The following MCC variants were observed in gnomAD, a reference collection of about 807,000 sequenced individuals.
The protein encoded by MCC is MCC regulator of Wnt signaling pathway.
MCC carries 90 observed loss-of-function variants against 116.2 expected under a neutral mutation model. That is an observed-to-expected ratio of 0.77 (90% confidence interval 0.65 to 0.92). MCC has a LOEUF of 0.92. Ranked by LOEUF, MCC falls within the 40% of genes least tolerant of loss-of-function variation. MCC has a pLI of 0.00. For missense variants in MCC, 1,516 were observed against 1,312.2 expected (o/e 1.16, Z -2.40); for synonymous variants, 578 against 510.5 (o/e 1.13, Z -1.78).
chr5:113,245,324 C>T (rs1764532893), intron 3 of MCC, among the ~76,000 whole-genome samples: 2 of 150,940 alleles, frequency 1.3e-5, no homozygotes, highest in African/African-American at 4.9e-5. Context: ...ACTTTTTTCC[C>T]ACTAAGGTTC....
chr5:113,277,737 C>T (rs941669544), intron 3 of MCC, among the ~76,000 whole-genome samples: 3 of 151,640 alleles, frequency 2.0e-5, no homozygotes, highest in African/African-American at 4.9e-5. Context: ...TACTTCATAC[C>T]ACTCTTTATT....
At chr5:113,100,615 G>A (rs988579206) in intron 8 of MCC, among the ~76,000 whole-genome samples, 5 of 152,044 alleles carry the variant, frequency 3.3e-5, no homozygotes, top group African/African-American at 4.8e-5. Flanking sequence ...GGGACTACAG[G>A]CACACAGCAC....
intron 5 of MCC, among the ~76,000 whole-genome samples, chr5:113,141,934 C>A (rs1382592605): frequency 1.3e-5 from 2 of 152,184 alleles, no homozygotes; most frequent in Non-Finnish European, 2.9e-5. Flanking sequence ...GTGTCCTATG[C>A]CAGGCTCCTT....
chr5:113,354,977 T>C (rs1768375455), intron 2 of MCC, among the ~76,000 whole-genome samples: 1 of 152,084 alleles, frequency 6.6e-6, no homozygotes, highest in Admixed American at 6.5e-5. Flanking sequence ...TATATGTATG[T>C]ATACACATAT....
chr5:113,430,955 G>A (rs1217957768), intron 1 of MCC, among the ~76,000 whole-genome samples: 1 of 152,182 alleles, frequency 6.6e-6, no homozygotes, highest in South Asian at 2.1e-4. Flanking sequence ...ACCAAGCCTT[G>A]TTGAAAGCTA....
rs376243530 is a variant in MCC at position 113,160,423 on chromosome 5, T to C, written c.628-9001A>G. On this transcript the variant is annotated intron_variant, in intron 3 of 18. Coordinates refer to ENST00000408903, the MANE Select transcript of MCC (RefSeq NM_001085377.2). ...AGATTGCTATACTCAGCATATAACA[T>C]GCATTTTTCTCAACTATTCTTCACA... Among the ~76,000 whole-genome samples, 4 of 152,354 alleles carry C rather than the reference T, an allele frequency of 2.6e-5. No individual in the cohort carries two copies. In the East Asian group the frequency reaches 7.7e-4, roughly 29 times the overall value.
intron 3 of MCC, among the ~76,000 whole-genome samples, chr5:113,322,554 TACAA>T (rs1224752859): frequency 6.6e-6 from 1 of 152,190 alleles, no homozygotes; most frequent in African/African-American, 2.4e-5. Context: ...CAACTCCCCC[TACAA>T]ACATCCAATT....
At chr5:113,447,237 G>A (rs1427293370) in intron 1 of MCC, among the ~76,000 whole-genome samples, 3 of 152,176 alleles carry the variant, frequency 2.0e-5, no homozygotes, top group African/African-American at 7.2e-5. Flanking sequence ...TTTTTCAAAT[G>A]TAAGTCCTGC....
chr5:113,232,481 A>G (rs1763971556), intron 3 of MCC, among the ~76,000 whole-genome samples: 1 of 152,132 alleles, frequency 6.6e-6, no homozygotes, highest in Non-Finnish European at 1.5e-5. Context: ...GGCATCTCCA[A>G]ACACTCCCTT....
At chr5:113,196,350 G>A (rs942526136) in intron 3 of MCC, among the ~76,000 whole-genome samples, 1 of 152,182 alleles carries the variant, frequency 6.6e-6, no homozygotes, top group Admixed American at 6.5e-5. Context: ...GGTGAAGTGA[G>A]CAAGAGGGAG....
chr5:113,200,754 A>C (rs1455027613), intron 3 of MCC, among the ~76,000 whole-genome samples: 3 of 152,236 alleles, frequency 2.0e-5, no homozygotes, highest in Non-Finnish European at 2.9e-5. Flanking sequence ...TTCAAAGAGC[A>C]AATAGGGGGA....
Position 113,265,674 on chromosome 5 carries a change from T to C in MCC, c.627+74845A>G, listed in dbSNP as rs141712579. ...GAACTGGAGGGCTACACAGAGGAAC[T>C]TGAGCATATCTCTTGATTTTTTTCC... On this transcript the variant is annotated intron_variant, in intron 3 of 18. Transcript: ENST00000408903. Among the ~76,000 whole-genome samples the C allele has an allele frequency of 2.9e-3, 435 of 152,280 alleles. 1 individual carries two copies. Among genetic ancestry groups the C allele is most frequent in the African/African-American group, 1.0e-2 (414 of 41,562 alleles).
rs771468094 is a variant in MCC, at chr5:113,064,153, C to A, written c.2044G>T (p.Asp682Tyr). Residue 682 changes from aspartate to tyrosine, a missense_variant, in exon 14 of 19, where the codon GAT becomes TAT. Physicochemically the swap from Asp to Tyr is radical, Grantham distance 160 (BLOSUM62 -3). Transcript: ENST00000408903. The stretch of plus-strand genomic sequence containing the variant: ...TTGAGCATCTGAGTGATGTTTTCAT[C>A]CCCCGACTGGTCTCCTATGTGGCAG... ...VGSSPGDQSGDENITQMLKRA... is the reference protein window; with the variant it reads ...VGSSPGDQSGYENITQMLKRA... The A allele has an allele frequency of 6.2e-7, 1 of 1,611,690 alleles. No homozygotes were observed. Among genetic ancestry groups the A allele is most frequent in the Admixed American group, 1.7e-5 (1 of 59,798 alleles).
intron 1 of MCC, among the ~76,000 whole-genome samples, chr5:113,447,617 T>C (rs1260417788): frequency 6.6e-6 from 1 of 152,206 alleles, no homozygotes; most frequent in Non-Finnish European, 1.5e-5. Context: ...TGTTCTCTTA[T>C]AGTTGGCTCA....
At chr5:113,104,130 A>T in intron 7 of MCC, 62 bp downstream of exon 7, 1 of 1,455,378 alleles carries the variant, frequency 6.9e-7, no homozygotes, top group Non-Finnish European at 9.2e-7. Context: ...CTTCAAGAGA[A>T]GGATTGGACC....
intron 1 of MCC, among the ~76,000 whole-genome samples, chr5:113,477,065 C>T (rs187913106): frequency 3.7e-4 from 57 of 152,290 alleles, no homozygotes; most frequent in Middle Eastern, 3.4e-3. Context: ...CTGTTTTTCT[C>T]ATCTTCAAAT....
chr5:113,038,681 G>A (rs938976065), intron 17 of MCC, among the ~76,000 whole-genome samples: 10 of 152,040 alleles, frequency 6.6e-5, no homozygotes, highest in Admixed American at 1.3e-4. Flanking sequence ...GCAGTCTCAC[G>A]GCAGGTGTGA....
chr5:113,172,646 C>G (rs17135381), intron 3 of MCC, among the ~76,000 whole-genome samples: 3,290 of 152,268 alleles, frequency 0.022, 118 homozygotes, highest in African/African-American at 0.075. Context: ...TACCTATGTG[C>G]TGGGCGTACC....
intron 1 of MCC, among the ~76,000 whole-genome samples, chr5:113,470,618 T>C (rs2150430839): frequency 1.3e-5 from 2 of 152,304 alleles, no homozygotes; most frequent in African/African-American, 4.8e-5. Flanking sequence ...CTTAACATTT[T>C]TTCCTTCATT....
Sources: allele counts gnomAD v4.1 joint callset (sites outside exome capture counted in the v4.1 genomes callset), GRCh38; gene constraint gnomAD v4.1.1; transcripts MANE v1.5; gene names NCBI Gene and HGNC (gene_info 2026-07-23, HGNC 2026-07-21).